Variants in ATE1 observed in about 807,000 individuals in gnomAD.
ATE1 encodes arginyl-tRNA--protein transferase 1.
Under a neutral mutation model 70.5 loss-of-function variants are expected in ATE1, and 36 were observed. The ratio of observed to expected loss-of-function variants is 0.51; its 90% CI spans 0.39 to 0.67. The LOEUF (loss-of-function observed/expected upper bound fraction) is 0.67, where lower values mean the gene tolerates loss of function less well. Ranked by LOEUF, ATE1 falls within the 30% of genes least tolerant of loss-of-function variation. The pLI, the probability that ATE1 is intolerant of heterozygous loss-of-function variation, is 0.00. For missense variants in ATE1, 593 were observed against 629.5 expected (o/e 0.94, Z 0.62); for synonymous variants, 232 against 219.3 (o/e 1.06, Z -0.51).
At chr10:121,769,108 C>T (rs1945396258) in intron 11 of ATE1, among the ~76,000 whole-genome samples, 1 of 152,084 alleles carries the variant, frequency 6.6e-6, no homozygotes, top group South Asian at 2.1e-4. Flanking sequence ...CTGACAAAGA[C>T]TAATGGGAGA....
chr10:121,844,111 G>C (rs1948728121), intron 8 of ATE1, among the ~76,000 whole-genome samples: 1 of 152,190 alleles, frequency 6.6e-6, no homozygotes, highest in Non-Finnish European at 1.5e-5. Context: ...TTAAAAAGTA[G>C]GCAAAATATT....
Position 121,877,151 on chromosome 10 carries a change from C to A in ATE1, c.943-7113G>T, listed in dbSNP as rs139865592. 7.0e-3 allele frequency among the ~76,000 whole-genome samples: 1,072 copies of A among 152,206 alleles called. 25 individuals are homozygous for A. Among genetic ancestry groups the A allele is most frequent in the African/African-American group, 0.024 (1,015 of 41,534 alleles). ...TGTACTGATTTCAGAATCCTTTGCT[C>A]CTCTAACAGGAAGATCATTTGCCAT... On this transcript the variant is annotated intron_variant, in intron 7 of 11. Transcript: ENST00000224652.
chr10:121,869,183 T>C (rs1293453884), intron 8 of ATE1, among the ~76,000 whole-genome samples: 1 of 152,192 alleles, frequency 6.6e-6, no homozygotes, highest in Non-Finnish European at 1.5e-5. Context: ...GTAGGAATTA[T>C]TATTTGCATC....
chr10:121,744,118 T>G (rs759659091), intron 11 of ATE1, among the ~76,000 whole-genome samples: 1 of 151,684 alleles, frequency 6.6e-6, no homozygotes, highest in Non-Finnish European at 1.5e-5. Flanking sequence ...AGATGGGATT[T>G]CACCATGTTG....
At chr10:121,829,714 AAAAGAAAAAAAAAAG>A (rs1948163403) in intron 10 of ATE1, among the ~76,000 whole-genome samples, 2 of 152,104 alleles carry the variant, frequency 1.3e-5, no homozygotes. Flanking sequence ...GTCTCAAAAA[AAAAGAAAAAAAAAAG>A]AAAGAAAAAA....
chr10:121,754,453 T>C (rs561793731), intron 11 of ATE1, among the ~76,000 whole-genome samples: 3 of 152,268 alleles, frequency 2.0e-5, no homozygotes, highest in Admixed American at 2.0e-4. Flanking sequence ...CTGAGACAAT[T>C]TGAGCATTCA....
At chr10:121,759,069 G>T (rs1944926461) in intron 11 of ATE1, among the ~76,000 whole-genome samples, 1 of 152,192 alleles carries the variant, frequency 6.6e-6, no homozygotes, top group African/African-American at 2.4e-5. Flanking sequence ...GGCTAGAAAT[G>T]ATTAAACATG....
intron 11 of ATE1, among the ~76,000 whole-genome samples, chr10:121,756,703 T>C (rs1275146341): frequency 6.6e-6 from 1 of 152,220 alleles, no homozygotes; most frequent in Admixed American, 6.5e-5. Context: ...GAGCTCTACC[T>C]TGGCCACTTT....
chr10:121,882,902 T>C (rs2134126476), intron 7 of ATE1, among the ~76,000 whole-genome samples: 1 of 152,360 alleles, frequency 6.6e-6, no homozygotes, highest in African/African-American at 2.4e-5. Context: ...ATTATTGTTA[T>C]ATAAAGCTAA....
chr10:121,781,407 G>A (rs1260321883), intron 11 of ATE1, among the ~76,000 whole-genome samples: 2 of 152,312 alleles, frequency 1.3e-5, no homozygotes, highest in South Asian at 2.1e-4. Flanking sequence ...CACTCAGTGC[G>A]ATACCATCAA....
chr10:121,812,056 A>C (rs973162440), intron 10 of ATE1, among the ~76,000 whole-genome samples: 3 of 149,828 alleles, frequency 2.0e-5, no homozygotes, highest in Admixed American at 6.7e-5. Context: ...CCAGGGCTCA[A>C]GTGATCCTCC....
rs551602269 is a variant in ATE1 at position 121,790,418 on chromosome 10, A to G, written c.1258-129T>C. ...TCAACCAGAAACTGTTTTACTGTAA[A>G]TACTAAGCAACCCTGTAGCTGATAG... On this transcript the variant is annotated intron_variant, in intron 10 of 11. Coordinates refer to ENST00000224652, the MANE Select transcript of ATE1 (RefSeq NM_001001976.3). 10 of 1,179,326 alleles carry G rather than the reference A, an allele frequency of 8.5e-6. No homozygotes were observed. The African/African-American group carries it at 1.2e-4, about 15-fold the overall frequency. 73.1% of individuals were successfully genotyped at this position (1,179,326 alleles called of 1,614,324 possible).
At chr10:121,816,735 G>A (rs1947559286) in intron 10 of ATE1, among the ~76,000 whole-genome samples, 5 of 152,110 alleles carry the variant, frequency 3.3e-5, no homozygotes, top group Admixed American at 3.3e-4. Flanking sequence ...CCCAGTCTCA[G>A]GTATTTTGTT....
At chr10:121,763,099 T>C (rs1486417789) in intron 11 of ATE1, among the ~76,000 whole-genome samples, 2 of 152,210 alleles carry the variant, frequency 1.3e-5, no homozygotes, top group Non-Finnish European at 2.9e-5. Context: ...CTTTTAGGAA[T>C]CTGTCCTATG....
intron 8 of ATE1, among the ~76,000 whole-genome samples, chr10:121,869,660 T>C (rs546019507): frequency 6.6e-6 from 1 of 152,340 alleles, no homozygotes; most frequent in East Asian, 1.9e-4. Context: ...ACCATGGCAA[T>C]TTACAGAACA....
At chr10:121,751,256 A>G (rs1474801876) in intron 11 of ATE1, among the ~76,000 whole-genome samples, 1 of 152,262 alleles carries the variant, frequency 6.6e-6, no homozygotes, top group Non-Finnish European at 1.5e-5. Context: ...ATTTAATAAC[A>G]GCTTTATTGT....
intron 7 of ATE1, chr10:121,898,898 A>G (rs951955419): frequency 1.9e-6 from 3 of 1,614,058 alleles, no homozygotes; most frequent in Non-Finnish European, 2.5e-6. Context: ...GATACTTGAC[A>G]TACAAAGAAA....
chr10:121,786,192 G>T (rs929608263), intron 11 of ATE1, among the ~76,000 whole-genome samples: 1 of 133,590 alleles, frequency 7.5e-6, no homozygotes, highest in Non-Finnish European at 1.5e-5. Flanking sequence ...AACAGCACAT[G>T]CTCAAGAAAG....
At chr10:121,748,946 C>T (rs1944472827) in intron 11 of ATE1, among the ~76,000 whole-genome samples, 1 of 152,128 alleles carries the variant, frequency 6.6e-6, no homozygotes. Flanking sequence ...TAATGTGGTG[C>T]TAATTCTATC....
Sources: gnomAD v4.1 joint callset for allele counts (sites outside exome capture counted in the v4.1 genomes callset) on GRCh38, gnomAD v4.1.1 for gene constraint, MANE v1.5 for transcripts, NCBI Gene and HGNC (gene_info 2026-07-23, HGNC 2026-07-21) for gene names.